Variants in RGCC observed in about 807,000 individuals in gnomAD.
The protein encoded by RGCC is regulator of cell cycle RGCC.
In RGCC, 15 loss-of-function variants were observed where a neutral mutation model predicts 15.4. The ratio of observed to expected loss-of-function variants is 0.97; its 90% CI spans 0.65 to 1.50. The LOEUF (loss-of-function observed/expected upper bound fraction) is 1.50. RGCC is among the 40% of genes most tolerant of loss of function. The probability of loss-of-function intolerance (pLI) is 0.00; values close to 1 mark genes in which losing one functional copy is unlikely to be tolerated. For synonymous variants in RGCC, 81 were observed against 78.0 expected (o/e 1.04, Z -0.20); for missense variants, 176 against 189.7 (o/e 0.93, Z 0.42).
chr13:41,457,645 T>G lies in RGCC; in HGVS notation c.-63T>G. The G allele has an allele frequency of 6.7e-7, 1 of 1,500,904 alleles. No individual in the cohort carries two copies. Among genetic ancestry groups the G allele is most frequent in the Middle Eastern group, 2.4e-4 (1 of 4,200 alleles). The allele number at this position is 1,500,904 out of a possible 1,614,324, so 93.0% of individuals were successfully genotyped here. A position where few individuals can be genotyped will look rare whatever the true frequency, so the allele number is the denominator to read the frequency against. ...GTGTGCGGGACAGCAAGCCCCCGAA[T>G]AGCCCCGGCTGCCACCTCGCAGGAC... is the stretch of plus-strand genomic sequence containing the variant. On this transcript the variant is annotated 5_prime_UTR_variant, in exon 1 of 5. Transcript: ENST00000379359. The surrounding 1 kb of genome is among the most constrained non-coding windows in gnomAD (Gnocchi z 4.9).
rs540474520 is a variant in RGCC, at chr13:41,466,979, T to C, written c.343+49T>C. The C allele has an allele frequency of 1.3e-5, 14 of 1,096,584 alleles. No individual in the cohort carries two copies. The East Asian group carries it at 3.1e-4, about 24-fold the overall frequency. The allele number at this position is 1,096,584 out of a possible 1,614,324, so 67.9% of individuals were successfully genotyped here. Reference sequence around the variant, plus strand: ...AGTTTTTTGCTTTTTTATTCCTCTCTCCTTCTCAATCCCTTCTCTGTCCCT... The same window carrying C: ...AGTTTTTTGCTTTTTTATTCCTCTCCCCTTCTCAATCCCTTCTCTGTCCCT... On this transcript the variant is annotated intron_variant, in intron 3 of 4. Transcript: ENST00000379359.
chr13:41,462,193 A>T (rs2043824972), intron 2 of RGCC, among the ~76,000 whole-genome samples: 1 of 152,030 alleles, frequency 6.6e-6, no homozygotes, highest in Admixed American at 6.5e-5. Flanking sequence ...ATCGTTCTAT[A>T]TTTACAGGAG....
At chr13:41,467,133 A>G (rs1352407076) in intron 3 of RGCC, among the ~76,000 whole-genome samples, 1 of 152,218 alleles carries the variant, frequency 6.6e-6, no homozygotes, top group Non-Finnish European at 1.5e-5. Flanking sequence ...GAAATCAGAT[A>G]ATTTGGGGCA....
chr13:41,466,116 A>ACACACTCTCATTTTCTCACACACACTC (rs2139576955), intron 2 of RGCC, among the ~76,000 whole-genome samples: 1 of 151,286 alleles, frequency 6.6e-6, no homozygotes, highest in East Asian at 1.9e-4. Context: ...GCTCTCACAC[A>ACACACTCTCATTTTCTCACACACACTC]CACACTCTCA....
intron 4 of RGCC, among the ~76,000 whole-genome samples, chr13:41,470,008 G>A (rs2139579420): frequency 6.6e-6 from 1 of 152,276 alleles, no homozygotes; most frequent in African/African-American, 2.4e-5. Flanking sequence ...CAGGGTAAGG[G>A]TTGATTTTCT....
chr13:41,468,793 A>G lies in RGCC; in HGVS notation c.361A>G (p.Lys121Glu), dbSNP rs750753464. 1 of 1,607,878 alleles carries G rather than the reference A, an allele frequency of 6.2e-7. No individual in the cohort carries two copies. The highest frequency in any genetic ancestry group is 1.1e-5 in the South Asian group (1 of 91,020). ...TPQKAKLGDT[K>E]ELEAFIADLD... Reference sequence around the variant, plus strand: ...TTTCACAGCTAAATTAGGAGACACAAAAGAGCTAGAAGCCTTCATTGCTGA... The same window carrying G: ...TTTCACAGCTAAATTAGGAGACACAGAAGAGCTAGAAGCCTTCATTGCTGA... The change falls in exon 4 of 5, where the codon AAA becomes GAA. Residue 121 changes from lysine (K) to glutamate (E), a missense_variant. Physicochemically the swap from Lys to Glu is moderately conservative, Grantham distance 56. Coordinates refer to ENST00000379359, the MANE Select transcript of RGCC (RefSeq NM_014059.3).
rs1226761013 is a variant in RGCC, at chr13:41,468,851, C to T, written c.406+13C>T. 6.3e-7 allele frequency: 1 copy of T among 1,581,980 alleles called. No homozygotes were observed. Among genetic ancestry groups the T allele is most frequent in the Non-Finnish European group, 8.6e-7 (1 of 1,162,972 alleles). ...AAAACTTTAGCAAGTAAGTACATGT[C>T]TGATATTAAAAACAAAAAAACAAAA... On this transcript the variant is annotated intron_variant, in intron 4 of 4. Transcript: ENST00000379359.
chr13:41,468,910 G>A, intron 4 of RGCC, 72 bp downstream of exon 4: 1 of 1,179,036 alleles, frequency 8.5e-7, no homozygotes, highest in Non-Finnish European at 1.2e-6. Context: ...GTGTTGTAAT[G>A]TTAACCAGCT....
Position 41,468,797 on chromosome 13 carries a change from A to G in RGCC, c.365A>G (p.Glu122Gly), listed in dbSNP as rs1186390870. ...ACAGCTAAATTAGGAGACACAAAAG[A>G]GCTAGAAGCCTTCATTGCTGATCTT... Reference protein sequence around the residue: ...PQKAKLGDTKELEAFIADLDK... With the variant: ...PQKAKLGDTKGLEAFIADLDK... Residue 122 changes from glutamate (E) to glycine (G), a missense_variant, in exon 4 of 5, where the codon GAG becomes GGG. Coordinates refer to ENST00000379359, the MANE Select transcript of RGCC (RefSeq NM_014059.3). The G allele has an allele frequency of 1.2e-6, 2 of 1,608,196 alleles. No homozygotes were observed. The highest frequency in any genetic ancestry group is 2.7e-5 in the African/African-American group (2 of 74,868).
In RGCC at chr13:41,470,714, C is replaced by T. The variant is rs555971435; in HGVS notation, c.*229C>T. The T allele has an allele frequency of 2.5e-4, 126 of 513,048 alleles. No homozygotes were observed. The South Asian group carries it at 2.6e-3, about 10-fold the overall frequency. 31.8% of individuals were successfully genotyped at this position (513,048 alleles called of 1,614,324 possible). On this transcript the variant is annotated 3_prime_UTR_variant, in exon 5 of 5. Transcript: ENST00000379359. The stretch of plus-strand genomic sequence containing the variant: ...CCTGCTTGCAGCATATTAGAACAGA[C>T]GATCCATGCTAATATTGTATTTTCT...
Position 41,458,292 on chromosome 13 carries a change from C to T in RGCC, c.57C>T (p.Ala19=), listed in dbSNP as rs755290988. Residue 19 remains alanine, a synonymous_variant, in exon 2 of 5, where the codon GCC becomes GCT. Coordinates refer to ENST00000379359, the MANE Select transcript of RGCC (RefSeq NM_014059.3). This position sits in a 1 kb window ranked among gnomAD's most constrained non-coding sequence, Gnocchi z 4.4. The stretch of plus-strand genomic sequence containing the variant: ...CCCTGGCCCTGCCCGCAGCCCCGGC[C>T]CTGGACTCGGCGGCCGCGGAGGACC... ...SPAAAAAAAP[A]LDSAAAEDLS... 6.0e-5 allele frequency: 94 copies of T among 1,574,448 alleles called. No individual in the cohort carries two copies. Among genetic ancestry groups the T allele is most frequent in the Non-Finnish European group, 7.9e-5 (92 of 1,167,576 alleles).
chr13:41,467,012 C>A, intron 3 of RGCC, 82 bp downstream of exon 3: 1 of 862,016 alleles, frequency 1.2e-6, no homozygotes, highest in South Asian at 1.4e-5. Context: ...CCTTTTATCC[C>A]TAAACAATCT....
chr13:41,461,300 C>T (rs978506099), intron 2 of RGCC, among the ~76,000 whole-genome samples: 1 of 152,172 alleles, frequency 6.6e-6, no homozygotes, highest in Non-Finnish European at 1.5e-5. Context: ...AAGGGCAATG[C>T]AATTAAGAGT....
chr13:41,465,028 T>A (rs1393306020), intron 2 of RGCC, among the ~76,000 whole-genome samples: 2 of 152,134 alleles, frequency 1.3e-5, no homozygotes, highest in Admixed American at 6.5e-5. Context: ...AAAGCTGAAT[T>A]TCCCTGAGAC....
chr13:41,470,509 A>G lies in RGCC; in HGVS notation c.*24A>G, dbSNP rs777557757. On this transcript the variant is annotated 3_prime_UTR_variant, in exon 5 of 5. Coordinates refer to ENST00000379359, the MANE Select transcript of RGCC (RefSeq NM_014059.3). ...GAAACAAGAAGTTCTGGGTCCTTTC[A>G]TCATAAGGGAGAAGCTTCAGAAAGT... is the stretch of plus-strand genomic sequence containing the variant. 6.2e-6 allele frequency: 10 copies of G among 1,612,424 alleles called. No individual in the cohort carries two copies. The highest frequency in any genetic ancestry group is 4.5e-5 in the East Asian group (2 of 44,848).
rs2043807521 is a variant in RGCC, at chr13:41,458,853, T to A, written c.235+383T>A. Among the ~76,000 whole-genome samples, 1 of 152,028 alleles carries A rather than the reference T, an allele frequency of 6.6e-6. No homozygotes were observed. Among genetic ancestry groups the A allele is most frequent in the Non-Finnish European group, 1.5e-5 (1 of 67,990 alleles). On this transcript the variant is annotated intron_variant, in intron 2 of 4. Coordinates refer to ENST00000379359, the MANE Select transcript of RGCC (RefSeq NM_014059.3). This position sits in a 1 kb window ranked among gnomAD's most constrained non-coding sequence, Gnocchi z 4.4. ...GTGCCAGTGGAATGAGGGGGCACAGTGGGGACATGGGAGGGCGCAGAACGG... is the reference window on the plus strand; with the variant it reads ...GTGCCAGTGGAATGAGGGGGCACAGAGGGGACATGGGAGGGCGCAGAACGG...
intron 2 of RGCC, among the ~76,000 whole-genome samples, chr13:41,464,968 A>G (rs1253875219): frequency 6.6e-6 from 1 of 151,904 alleles, no homozygotes; most frequent in Non-Finnish European, 1.5e-5. Flanking sequence ...GGGTGGGGGG[A>G]AAGGGAGCCA....
chr13:41,463,166 G>T (rs542422028), intron 2 of RGCC, among the ~76,000 whole-genome samples: 45 of 152,246 alleles, frequency 3.0e-4, no homozygotes, highest in African/African-American at 1.1e-3. Flanking sequence ...CAGTTTTCAC[G>T]TGGCCTCTAG....
At position 41,458,040 on chromosome 13, in the gene RGCC, G is replaced by A. The variant is rs1276625557; in HGVS notation, c.50-245G>A. On this transcript the variant is annotated intron_variant, in intron 1 of 4. Coordinates refer to ENST00000379359, the MANE Select transcript of RGCC (RefSeq NM_014059.3). This position sits in a 1 kb window ranked among gnomAD's most constrained non-coding sequence, Gnocchi z 4.4. The stretch of plus-strand genomic sequence containing the variant: ...CTGGGGAGGAATCTGGCCGCGCCAA[G>A]TCGCTGGGTGACCCTGGGCCTGGCG... Among the ~76,000 whole-genome samples the A allele has an allele frequency of 6.6e-6, 1 of 152,202 alleles. No homozygotes were observed. The highest frequency in any genetic ancestry group is 6.5e-5 in the Admixed American group (1 of 15,288).
Sources: gnomAD v4.1 joint callset for allele counts (sites outside exome capture counted in the v4.1 genomes callset) on GRCh38, gnomAD v4.1.1 for gene constraint, Gnocchi (gnomAD v3.1) non-coding constraint, MANE v1.5 for transcripts, NCBI Gene and HGNC (gene_info 2026-07-23, HGNC 2026-07-21) for gene names.